The following SNX29 variants were observed in gnomAD, a reference collection of about 807,000 sequenced individuals.
SNX29 encodes the protein sorting nexin-29.
Under a neutral mutation model 102.1 loss-of-function variants are expected in SNX29, and 78 were observed. That is an observed-to-expected ratio of 0.76 (90% CI 0.64 to 0.92). The LOEUF (loss-of-function observed/expected upper bound fraction) is 0.92, where lower values mean the gene tolerates loss of function less well. SNX29 is among the 40% of genes least tolerant of loss of function. SNX29 has a pLI of 0.00. For missense variants in SNX29, 1,280 were observed against 1,061.7 expected, an observed-to-expected ratio of 1.21 and a Z score of -2.86; for synonymous variants, 580 against 414.5, an observed-to-expected ratio of 1.40 and a Z score of -4.85.
In SNX29 at chr16:12,199,669, G is replaced by T; in HGVS notation, c.1664G>T (p.Gly555Val). 6.2e-7 allele frequency: 1 copy of T among 1,612,032 alleles called. No individual in the cohort carries two copies. Among genetic ancestry groups the T allele is most frequent in the South Asian group, 1.1e-5 (1 of 90,574 alleles). The change falls in exon 14 of 21, where the codon GGT becomes GTT. Residue 555 changes from glycine (G) to valine (V), a missense_variant. Physicochemically the swap from Gly to Val is moderately radical, Grantham distance 109 (BLOSUM62 -3). Coordinates refer to ENST00000566228, the MANE Select transcript of SNX29 (RefSeq NM_032167.5). ...GCTGTCCAGATGCTGAAAAGAGAAG[G>T]TCAAACAGCTGAAGGTGAGGGGGAG... ...VGAVQMLKRE[G>V]QTAEVPNLWS...
At chr16:12,391,882 T>A (rs914241342) in intron 16 of SNX29, among the ~76,000 whole-genome samples, 1 of 152,204 alleles carries the variant, frequency 6.6e-6, no homozygotes, top group African/African-American at 2.4e-5. Flanking sequence ...AATTGCGTGA[T>A]TGTTACGTTG....
intron 16 of SNX29, chr16:12,373,083 TA>T (rs1479941876): frequency 6.6e-6 from 1 of 152,246 alleles, no homozygotes; most frequent in Non-Finnish European, 1.5e-5. Context: ...GATGGAGCTG[TA>T]AGTCTCTTTT....
chr16:12,539,130 A>G (rs1407735185), intron 20 of SNX29, among the ~76,000 whole-genome samples: 2 of 152,154 alleles, frequency 1.3e-5, no homozygotes, highest in Admixed American at 1.3e-4. Flanking sequence ...AAAATTTTTA[A>G]TTTACACAGT....
intron 14 of SNX29, among the ~76,000 whole-genome samples, chr16:12,214,141 G>GA (rs34691231): frequency 0.53 from 80,748 of 151,964 alleles, 22,239 homozygotes; most frequent in Non-Finnish European, 0.61. Context: ...TCCCTGGCAG[G>GA]GGCTTTCTTC....
chr16:12,279,582 G>C (rs1251545370), intron 15 of SNX29, among the ~76,000 whole-genome samples: 1 of 152,168 alleles, frequency 6.6e-6, no homozygotes, highest in Non-Finnish European at 1.5e-5. Flanking sequence ...CCAGGGTTCT[G>C]GGCCATGAGT....
Position 12,304,980 on chromosome 16 carries a change from T to G in SNX29, c.1782+26944T>G, listed in dbSNP as rs540725970. Among the ~76,000 whole-genome samples, 3 of 152,314 alleles carry G rather than the reference T, an allele frequency of 2.0e-5. No individual in the cohort carries two copies. The South Asian group carries it at 6.2e-4, about 32-fold the overall frequency. On this transcript the variant is annotated intron_variant, in intron 15 of 20. Coordinates refer to ENST00000566228, the MANE Select transcript of SNX29 (RefSeq NM_032167.5). ...GAGAATATAATTAAAATACACTTAA[T>G]GCTAAAATGCAACTGAACATAATTT...
At chr16:12,550,264 C>G (rs932329359) in intron 20 of SNX29, among the ~76,000 whole-genome samples, 104 of 152,154 alleles carry the variant, frequency 6.8e-4, no homozygotes, top group African/African-American at 2.4e-3. Flanking sequence ...GGGCCAGACA[C>G]AGAGGCTTAT....
chr16:12,336,455 A>G (rs2081453063), intron 15 of SNX29, among the ~76,000 whole-genome samples: 1 of 152,138 alleles, frequency 6.6e-6, no homozygotes, highest in African/African-American at 2.4e-5. Flanking sequence ...GTTTCACTGG[A>G]TGGTTTGTGT....
At chr16:12,545,284 A>G (rs532295503) in intron 20 of SNX29, among the ~76,000 whole-genome samples, 31 of 152,332 alleles carry the variant, frequency 2.0e-4, no homozygotes, top group African/African-American at 7.5e-4. Flanking sequence ...TTGGTTTGCC[A>G]CTTCGCCCTC....
intron 15 of SNX29, among the ~76,000 whole-genome samples, chr16:12,330,794 G>T (rs553290553): frequency 6.6e-6 from 1 of 152,300 alleles, no homozygotes; most frequent in African/African-American, 2.4e-5. Flanking sequence ...TGGTCACTCA[G>T]CAGCCCAGTG....
chr16:12,040,420 G>C (rs531364503), intron 4 of SNX29, among the ~76,000 whole-genome samples: 8 of 152,256 alleles, frequency 5.3e-5, no homozygotes, highest in African/African-American at 1.9e-4. Context: ...AAAAATCTGT[G>C]TACATGTGGA....
At chr16:12,217,683 T>C (rs142200835) in intron 14 of SNX29, among the ~76,000 whole-genome samples, 1 of 152,300 alleles carries the variant, frequency 6.6e-6, no homozygotes, top group Non-Finnish European at 1.5e-5. Context: ...TAGGGTGTTC[T>C]TGGAGCATGA....
At chr16:12,092,663 T>G (rs2052606601) in intron 11 of SNX29, among the ~76,000 whole-genome samples, 1 of 152,190 alleles carries the variant, frequency 6.6e-6, no homozygotes, top group Non-Finnish European at 1.5e-5. Flanking sequence ...TGGAGGAGGC[T>G]TCCCTCAAGG....
chr16:12,122,918 C>A (rs1000052266), intron 11 of SNX29, among the ~76,000 whole-genome samples: 1 of 152,098 alleles, frequency 6.6e-6, no homozygotes, highest in Non-Finnish European at 1.5e-5. Flanking sequence ...TCTCTGCCTC[C>A]CAGGTTCAAG....
intron 14 of SNX29, among the ~76,000 whole-genome samples, chr16:12,269,517 A>G (rs1168136352): frequency 2.6e-5 from 4 of 152,302 alleles, no homozygotes; most frequent in African/African-American, 7.2e-5. Context: ...TTAAAGCACA[A>G]TGTAAGTTTC....
chr16:12,439,976 G>A (rs769069952), intron 18 of SNX29, among the ~76,000 whole-genome samples: 6 of 152,194 alleles, frequency 3.9e-5, no homozygotes, highest in Non-Finnish European at 8.8e-5. Context: ...TGCAGGGGAC[G>A]TGGGGATGCA....
chr16:12,309,081 G>C (rs1346216103), intron 15 of SNX29, among the ~76,000 whole-genome samples: 1 of 152,206 alleles, frequency 6.6e-6, no homozygotes, highest in Admixed American at 6.5e-5. Flanking sequence ...CCTGCTCTCA[G>C]ATTACCCACC....
intron 13 of SNX29, among the ~76,000 whole-genome samples, chr16:12,143,936 A>G (rs952670104): frequency 6.6e-6 from 1 of 152,304 alleles, no homozygotes; most frequent in Non-Finnish European, 1.5e-5. Context: ...ACTCTCAGGT[A>G]ATTCCAGTGT....
intron 3 of SNX29, among the ~76,000 whole-genome samples, chr16:12,007,068 T>TA (rs926804908): frequency 1.9e-4 from 29 of 149,778 alleles, no homozygotes; most frequent in Admixed American, 8.6e-4. Flanking sequence ...AGGCTGAGTT[T>TA]AAAAAAAAAA....
Sources: gnomAD v4.1 joint callset for allele counts (sites outside exome capture counted in the v4.1 genomes callset) on GRCh38, gnomAD v4.1.1 for gene constraint, MANE v1.5 for transcripts, NCBI Gene and HGNC (gene_info 2026-07-23, HGNC 2026-07-21) for gene names.